Variants in CDC5L observed in about 807,000 individuals in gnomAD.
CDC5L encodes the protein cell division cycle 5-like protein.
CDC5L carries 18 observed loss-of-function variants against 104.1 expected under a neutral mutation model. That is an observed-to-expected ratio of 0.17 (90% CI 0.12 to 0.26). CDC5L has a LOEUF of 0.26. CDC5L is among the 10% of genes least tolerant of loss of function. The pLI is 1.00. For missense variants in CDC5L, 673 were observed against 956.9 expected (o/e 0.70, Z 3.91); for synonymous variants, 331 against 322.7 (o/e 1.03, Z -0.28).
At chr6:44,403,331 A>T (rs1791217128) in intron 5 of CDC5L, among the ~76,000 whole-genome samples, 1 of 127,036 alleles carries the variant, frequency 7.9e-6, no homozygotes, top group East Asian at 2.4e-4. Flanking sequence ...TGAGTGCATT[A>T]AAAAAAAAAA....
chr6:44,390,043 A>G (rs1790518765), intron 1 of CDC5L, among the ~76,000 whole-genome samples: 1 of 152,034 alleles, frequency 6.6e-6, no homozygotes, highest in Non-Finnish European at 1.5e-5. Context: ...GTGTGGTGTA[A>G]GGGTGGGTAG....
At chr6:44,387,967 G>A in intron 1 of CDC5L, 99 bp downstream of exon 1, 3 of 1,148,648 alleles carry the variant, frequency 2.6e-6, no homozygotes, top group Non-Finnish European at 3.8e-6. Context: ...GACCCTGTGG[G>A]GTCTGCGTGG....
At chr6:44,421,261 A>G (rs1792159940) in intron 9 of CDC5L, among the ~76,000 whole-genome samples, 1 of 152,210 alleles carries the variant, frequency 6.6e-6, no homozygotes, top group South Asian at 2.1e-4. Context: ...CGTTAACTAG[A>G]ATTCAGTATT....
At chr6:44,428,294 A>G (rs11572029) in intron 13 of CDC5L, among the ~76,000 whole-genome samples, 6 of 151,918 alleles carry the variant, frequency 3.9e-5, no homozygotes, top group African/African-American at 1.5e-4. Flanking sequence ...TTCTATAGAG[A>G]TGATTTTCCG....
At chr6:44,388,284 G>T (rs1259854889) in intron 1 of CDC5L, among the ~76,000 whole-genome samples, 3 of 151,948 alleles carry the variant, frequency 2.0e-5, no homozygotes, top group Non-Finnish European at 2.9e-5. Context: ...AGTTGCCGTG[G>T]CCACAACTTT....
intron 14 of CDC5L, among the ~76,000 whole-genome samples, chr6:44,442,376 TGTG>T (rs1475340447): frequency 1.7e-5 from 1 of 60,412 alleles, no homozygotes; most frequent in Non-Finnish European, 2.8e-5. Context: ...GTGTGTATGT[TGTG>T]TGTGTGTGTG....
chr6:44,433,721 T>A (rs1792794279), intron 14 of CDC5L, among the ~76,000 whole-genome samples: 2 of 152,178 alleles, frequency 1.3e-5, no homozygotes, highest in South Asian at 4.1e-4. Flanking sequence ...AGAACACAGA[T>A]AACACACTTA....
At chr6:44,393,164 G>GTTTTTTTTTT (rs773786751) in intron 3 of CDC5L, among the ~76,000 whole-genome samples, 1 of 107,218 alleles carries the variant, frequency 9.3e-6, no homozygotes, top group African/African-American at 3.3e-5. Context: ...TTTACTAATA[G>GTTTTTTTTTT]TTTTTTTTTT....
chr6:44,433,771 C>G (rs144990543), intron 14 of CDC5L, among the ~76,000 whole-genome samples: 1 of 152,280 alleles, frequency 6.6e-6, no homozygotes, highest in East Asian at 1.9e-4. Flanking sequence ...ATGAGGACCC[C>G]TGACTTGTCT....
At chr6:44,445,595 C>T (rs1322053765) in intron 14 of CDC5L, 60 bp from the exon 15 acceptor site, 2 of 1,245,682 alleles carry the variant, frequency 1.6e-6, no homozygotes, top group Non-Finnish European at 2.3e-6. Flanking sequence ...CTTTTTAGCC[C>T]TGTTATTTAA....
At chr6:44,393,738 C>T (rs995183838) in intron 4 of CDC5L, among the ~76,000 whole-genome samples, 165 bp downstream of exon 4, 1 of 151,966 alleles carries the variant, frequency 6.6e-6, no homozygotes, top group Non-Finnish European at 1.5e-5. Flanking sequence ...AATCATGGTT[C>T]ACTGCGGTTT....
Position 44,405,142 on chromosome 6 carries a change from T to G in CDC5L, c.758+1115T>G, listed in dbSNP as rs6935388. Among the ~76,000 whole-genome samples the G allele has an allele frequency of 6.6e-3, 1,005 of 152,350 alleles. 8 individuals carry two copies. Among genetic ancestry groups the G allele is most frequent in the African/African-American group, 0.023 (947 of 41,566 alleles). On this transcript the variant is annotated intron_variant, in intron 6 of 15. Transcript: ENST00000371477. Reference sequence around the variant, plus strand: ...GGCATAGCAGATTTTCCCTATTTCTTGAGATTTTTAGTTTCTTTAAATCTC... The same window carrying G: ...GGCATAGCAGATTTTCCCTATTTCTGGAGATTTTTAGTTTCTTTAAATCTC...
intron 3 of CDC5L, among the ~76,000 whole-genome samples, chr6:44,393,164 GTTT>G (rs773786751): frequency 9.3e-6 from 1 of 107,216 alleles, no homozygotes; most frequent in African/African-American, 3.3e-5. Flanking sequence ...TTTACTAATA[GTTT>G]TTTTTTTTTT....
Position 44,447,260 on chromosome 6 carries a change from C to T in CDC5L, c.*549C>T. 1 of 151,018 alleles carries T rather than the reference C, an allele frequency of 6.6e-6. No individual in the cohort carries two copies. Among genetic ancestry groups the T allele is most frequent in the Non-Finnish European group, 1.5e-5 (1 of 67,886 alleles). The allele number at this position is 151,018 out of a possible 1,614,324, so 9.4% of individuals were successfully genotyped here. A position where few individuals can be genotyped will look rare whatever the true frequency, so the allele number is the denominator to read the frequency against. On this transcript the variant is annotated 3_prime_UTR_variant, in exon 16 of 16. Coordinates refer to ENST00000371477, the MANE Select transcript of CDC5L (RefSeq NM_001253.4). ...GACAAGTTAGATTAACTTTTTAGTACCTCAAATTTTTTTTTTGTTAATATC... is the reference window on the plus strand; with the variant it reads ...GACAAGTTAGATTAACTTTTTAGTATCTCAAATTTTTTTTTTGTTAATATC...
At chr6:44,427,265 A>G (rs770283980) in intron 13 of CDC5L, among the ~76,000 whole-genome samples, 6 of 152,202 alleles carry the variant, frequency 3.9e-5, no homozygotes, top group Admixed American at 6.6e-5. Flanking sequence ...TTTCTTCTAC[A>G]TGCATTTTAT....
In CDC5L at chr6:44,422,668, A is replaced by G. The variant is rs780356705; in HGVS notation, c.1263A>G (p.Glu421=). The G allele has an allele frequency of 5.0e-6, 8 of 1,610,530 alleles. No individual in the cohort carries two copies. The highest frequency in any genetic ancestry group is 5.9e-6 in the Non-Finnish European group (7 of 1,178,420). ...CTAGGACTCCTTCTAATGGAGCTGA[A>G]GGGCTGACTCCCCGGAGTGGAACAA... ...TPFRTPSNGA[E]GLTPRSGTTP... Residue 421 remains glutamate (E), a synonymous_variant, in exon 10 of 16, where the codon GAA becomes GAG. Transcript: ENST00000371477.
At chr6:44,396,507 C>A in intron 5 of CDC5L, 67 bp downstream of exon 5, 3 of 944,432 alleles carry the variant, frequency 3.2e-6, no homozygotes, top group Non-Finnish European at 4.9e-6. Context: ...CAGAATACTT[C>A]TGTGACCAGA....
At chr6:44,387,896 G>A in intron 1 of CDC5L, 28 bp downstream of exon 1, 1 of 1,550,060 alleles carries the variant, frequency 6.5e-7, no homozygotes, top group Non-Finnish European at 8.7e-7. Flanking sequence ...GCCGTCCGCT[G>A]CCCGCCGCTC....
At chr6:44,415,162 G>A (rs955359209) in intron 8 of CDC5L, among the ~76,000 whole-genome samples, 6 of 152,162 alleles carry the variant, frequency 3.9e-5, no homozygotes, top group Admixed American at 1.3e-4. Flanking sequence ...GTACCACACT[G>A]TCTTAATTCC....
Sources: allele counts gnomAD v4.1 joint callset (sites outside exome capture counted in the v4.1 genomes callset), GRCh38; gene constraint gnomAD v4.1.1; transcripts MANE v1.5; gene names NCBI Gene and HGNC (gene_info 2026-07-23, HGNC 2026-07-21).